The following KIAA1217 variants were observed in gnomAD, a reference collection of about 807,000 sequenced individuals.
KIAA1217 encodes the protein KIAA1217.
A neutral mutation model predicts 163.9 loss-of-function variants in KIAA1217; 88 were observed. The observed-to-expected ratio is 0.54, with a 90% CI of 0.45 to 0.64. KIAA1217 has a LOEUF of 0.64. Ranked by LOEUF, KIAA1217 falls within the 30% of genes least tolerant of loss-of-function variation. KIAA1217 has a pLI of 0.00. For missense variants in KIAA1217, 2,372 were observed against 2,475.0 expected, an observed-to-expected ratio of 0.96 and a Z score of 0.88; for synonymous variants, 903 against 923.1, an observed-to-expected ratio of 0.98 and a Z score of 0.39.
intron 2 of KIAA1217, among the ~76,000 whole-genome samples, chr10:24,333,087 T>G (rs1161786100): frequency 6.6e-6 from 1 of 151,724 alleles, no homozygotes; most frequent in East Asian, 1.9e-4. Flanking sequence ...GGTGGTGTGA[T>G]CTCGGCTCAC....
At chr10:24,029,313 C>G (rs1159869230) in intron 2 of KIAA1217, among the ~76,000 whole-genome samples, 6 of 152,040 alleles carry the variant, frequency 3.9e-5, no homozygotes, top group Non-Finnish European at 8.8e-5. Context: ...ACATAAATAT[C>G]TTCATTGCCT....
chr10:24,174,491 A>G (rs1168512704), intron 2 of KIAA1217, among the ~76,000 whole-genome samples: 1 of 152,198 alleles, frequency 6.6e-6, no homozygotes, highest in African/African-American at 2.4e-5. Flanking sequence ...AAGAGGATTA[A>G]CCAAGAAAGG....
chr10:23,924,184 T>G (rs1280425690), intron 1 of KIAA1217, among the ~76,000 whole-genome samples: 1 of 151,936 alleles, frequency 6.6e-6, no homozygotes, highest in Non-Finnish European at 1.5e-5. Flanking sequence ...TTTTTTTACT[T>G]TAAGTTCTAG....
At chr10:24,400,231 A>T (rs2131030382) in intron 3 of KIAA1217, among the ~76,000 whole-genome samples, 1 of 152,374 alleles carries the variant, frequency 6.6e-6, no homozygotes, top group African/African-American at 2.4e-5. Context: ...AACCGTGCAC[A>T]GGGATGAAGC....
intron 1 of KIAA1217, among the ~76,000 whole-genome samples, chr10:23,809,728 T>C (rs1331687278): frequency 2.0e-5 from 3 of 151,918 alleles, no homozygotes; most frequent in Admixed American, 1.3e-4. Context: ...ATGGCAACAA[T>C]TAAAAATAAA....
chr10:23,750,979 T>C (rs1839702851), intron 1 of KIAA1217, among the ~76,000 whole-genome samples: 1 of 150,808 alleles, frequency 6.6e-6, no homozygotes, highest in South Asian at 2.1e-4. Context: ...TTCCCTTTCT[T>C]CCCTTTCCTT....
chr10:24,265,590 G>A (rs1225195099), intron 2 of KIAA1217, among the ~76,000 whole-genome samples: 1 of 152,116 alleles, frequency 6.6e-6, no homozygotes, highest in Non-Finnish European at 1.5e-5. Flanking sequence ...GGCCATAGCT[G>A]TCTTCTTCCT....
intron 2 of KIAA1217, among the ~76,000 whole-genome samples, chr10:24,151,893 T>C (rs945234990): frequency 1.3e-5 from 2 of 152,166 alleles, no homozygotes; most frequent in Non-Finnish European, 2.9e-5. Context: ...AAAGCTATGA[T>C]ATGAATCTCA....
chr10:24,353,590 A>C lies in KIAA1217; in HGVS notation c.355-27279A>C, dbSNP rs957246047. Among the ~76,000 whole-genome samples the C allele has an allele frequency of 2.0e-5, 3 of 152,114 alleles. No homozygotes were observed. The South Asian group carries it at 6.2e-4, about 32-fold the overall frequency. On this transcript the variant is annotated intron_variant, in intron 2 of 20. Transcript: ENST00000376454. The stretch of plus-strand genomic sequence containing the variant: ...TTCCATATTTATGATGATAAACAAG[A>C]GCTGTAAGATTTCTAATTTTGCTGA...
intron 2 of KIAA1217, among the ~76,000 whole-genome samples, chr10:24,183,829 A>G: frequency 6.6e-6 from 1 of 152,254 alleles, no homozygotes; most frequent in East Asian, 1.9e-4. Flanking sequence ...GAAGGAATCT[A>G]TTCTATATGC....
intron 1 of KIAA1217, among the ~76,000 whole-genome samples, chr10:23,821,965 G>A (rs1201312521): frequency 2.0e-5 from 3 of 152,170 alleles, no homozygotes; most frequent in Non-Finnish European, 4.4e-5. Flanking sequence ...CATCTTCCGT[G>A]TCTCCTGAAG....
intron 2 of KIAA1217, among the ~76,000 whole-genome samples, chr10:24,287,941 G>A (rs867344958): frequency 3.9e-5 from 6 of 152,188 alleles, no homozygotes; most frequent in African/African-American, 9.7e-5. Context: ...CTGGCCTTTA[G>A]TAGCCACCAG....
intron 2 of KIAA1217, among the ~76,000 whole-genome samples, chr10:24,294,479 T>C (rs974097406): frequency 1.3e-5 from 2 of 152,196 alleles, no homozygotes; most frequent in African/African-American, 4.8e-5. Context: ...GAGGGGCATG[T>C]GTTTGATGTG....
At chr10:24,310,276 G>A (rs2042534411) in intron 2 of KIAA1217, among the ~76,000 whole-genome samples, 1 of 152,188 alleles carries the variant, frequency 6.6e-6, no homozygotes, top group Non-Finnish European at 1.5e-5. Flanking sequence ...CTTTATGTGT[G>A]TAATTCATTT....
chr10:23,837,369 T>A (rs1838524449), intron 1 of KIAA1217, among the ~76,000 whole-genome samples: 1 of 152,190 alleles, frequency 6.6e-6, no homozygotes, highest in Non-Finnish European at 1.5e-5. Context: ...TCTTCCCGGA[T>A]GACTTCAATG....
intron 2 of KIAA1217, among the ~76,000 whole-genome samples, chr10:24,273,802 G>A (rs977273011): frequency 2.7e-5 from 4 of 150,406 alleles, no homozygotes; most frequent in African/African-American, 7.4e-5. Context: ...GCAGTGAGCC[G>A]AGATCGTGCC....
Position 24,267,764 on chromosome 10 carries a change from A to G in KIAA1217, c.354+47855A>G, listed in dbSNP as rs545871756. On this transcript the variant is annotated intron_variant, in intron 2 of 20. Transcript: ENST00000376454. ...TTAGAAAGAGAAAGCACCAATCAAA[A>G]CAAGCCTATTTTCTTTTCACCTAGG... is the stretch of plus-strand genomic sequence containing the variant. Among the ~76,000 whole-genome samples the G allele has an allele frequency of 1.5e-3, 233 of 152,330 alleles. 6 individuals carry two copies. The South Asian group carries it at 0.046, about 30-fold the overall frequency.
At chr10:24,105,932 G>A (rs1589518329) in intron 2 of KIAA1217, among the ~76,000 whole-genome samples, 1 of 152,292 alleles carries the variant, frequency 6.6e-6, no homozygotes, top group Admixed American at 6.5e-5. Context: ...ATCGAGGCAG[G>A]GAAGGCCTTC....
At chr10:24,352,356 G>C (rs1342868474) in intron 2 of KIAA1217, among the ~76,000 whole-genome samples, 1 of 152,188 alleles carries the variant, frequency 6.6e-6, no homozygotes, top group Non-Finnish European at 1.5e-5. Flanking sequence ...ATTTTTGCAT[G>C]GATGTGCAAT....
Sources: allele counts gnomAD v4.1 joint callset (sites outside exome capture counted in the v4.1 genomes callset), GRCh38; gene constraint gnomAD v4.1.1; transcripts MANE v1.5; gene names NCBI Gene and HGNC (gene_info 2026-07-23, HGNC 2026-07-21).